The following XIRP2 variants were observed in gnomAD, a reference collection of about 807,000 sequenced individuals.
XIRP2 encodes xin actin binding repeat containing 2, also known as xin actin-binding repeat-containing protein 2.
A neutral mutation model predicts 277.0 loss-of-function variants in XIRP2; 236 were observed. That is an observed-to-expected ratio of 0.85 (90% confidence interval 0.77 to 0.95). The LOEUF (loss-of-function observed/expected upper bound fraction) is 0.95. XIRP2 is among the 40% of genes least tolerant of loss of function. The pLI, the probability that XIRP2 is intolerant of heterozygous loss-of-function variation, is 0.00. For synonymous variants in XIRP2, 1,490 were observed against 1,416.5 expected (o/e 1.05, Z -1.17); for missense variants, 4,640 against 4,157.5 (o/e 1.12, Z -3.19).
intron 3 of XIRP2, among the ~76,000 whole-genome samples, chr2:167,162,005 C>A (rs192450557): frequency 6.0e-4 from 92 of 152,234 alleles, no homozygotes; most frequent in African/African-American, 2.2e-3. Context: ...ATCTCTAGGG[C>A]TGGGCAAAAT....
chr2:167,136,480 T>G (rs1263162832), intron 3 of XIRP2, among the ~76,000 whole-genome samples: 3 of 152,306 alleles, frequency 2.0e-5, no homozygotes, highest in Admixed American at 2.0e-4. Context: ...CTTAAGCATC[T>G]CCTTTTCAGA....
intron 2 of XIRP2, among the ~76,000 whole-genome samples, chr2:167,036,684 G>A (rs1474227868): frequency 2.0e-5 from 3 of 152,038 alleles, no homozygotes; most frequent in Non-Finnish European, 4.4e-5. Flanking sequence ...AGCATGATTG[G>A]TTTTGAAATG....
At chr2:166,926,875 C>T (rs1685201721) in intron 2 of XIRP2, among the ~76,000 whole-genome samples, 1 of 152,070 alleles carries the variant, frequency 6.6e-6, no homozygotes, top group Non-Finnish European at 1.5e-5. Context: ...CCAGCAGGCA[C>T]AGTGCATCAG....
chr2:167,178,064 C>T (rs1187623025), intron 3 of XIRP2, among the ~76,000 whole-genome samples: 2 of 151,152 alleles, frequency 1.3e-5, no homozygotes, highest in Non-Finnish European at 2.9e-5. Flanking sequence ...ATGTGGAGCA[C>T]TGGGTATATA....
At chr2:167,003,841 T>C (rs373713915) in intron 2 of XIRP2, among the ~76,000 whole-genome samples, 4 of 151,934 alleles carry the variant, frequency 2.6e-5, no homozygotes, top group South Asian at 4.1e-4. Flanking sequence ...TAATCATGTA[T>C]TTTGGCTTTT....
intron 2 of XIRP2, among the ~76,000 whole-genome samples, chr2:167,095,032 CA>C (rs1690260229): frequency 6.6e-6 from 1 of 152,156 alleles, no homozygotes; most frequent in African/African-American, 2.4e-5. Flanking sequence ...AGGTCCTTCA[CA>C]TCCCTTGTAA....
intron 7 of XIRP2, among the ~76,000 whole-genome samples, chr2:167,240,956 C>T (rs1432284645): frequency 6.6e-6 from 1 of 152,164 alleles, no homozygotes; most frequent in Admixed American, 6.5e-5. Context: ...GCCATCAGTC[C>T]TATGATATAT....
intron 2 of XIRP2, among the ~76,000 whole-genome samples, chr2:166,968,176 C>T (rs1686478369): frequency 6.6e-6 from 1 of 151,834 alleles, no homozygotes; most frequent in Admixed American, 6.6e-5. Flanking sequence ...ATGAGTTCTT[C>T]AACAACAAAG....
At chr2:167,027,452 T>C (rs944515384) in intron 2 of XIRP2, among the ~76,000 whole-genome samples, 5 of 152,126 alleles carry the variant, frequency 3.3e-5, no homozygotes, top group Non-Finnish European at 7.4e-5. Flanking sequence ...TTGGTTTGAA[T>C]TTCCTCCTGT....
intron 2 of XIRP2, among the ~76,000 whole-genome samples, chr2:167,015,378 C>T (rs1244866266): frequency 2.0e-5 from 3 of 151,656 alleles, no homozygotes; most frequent in African/African-American, 7.3e-5. Flanking sequence ...TTAATATCTA[C>T]TAAGTACCTA....
At chr2:167,091,040 C>T (rs11896086) in intron 2 of XIRP2, among the ~76,000 whole-genome samples, 4,764 of 152,150 alleles carry the variant, frequency 0.031, 97 homozygotes, top group East Asian at 0.05. Flanking sequence ...CCCTAGAGAG[C>T]ATTCTATTGT....
At chr2:166,908,441 C>T (rs761378452) in intron 2 of XIRP2, among the ~76,000 whole-genome samples, 20 of 152,110 alleles carry the variant, frequency 1.3e-4, no homozygotes, top group South Asian at 4.1e-4. Flanking sequence ...TCATATCCTT[C>T]GCCCACTTTT....
intron 2 of XIRP2, among the ~76,000 whole-genome samples, chr2:167,032,361 G>A (rs2105506726): frequency 6.6e-6 from 1 of 152,158 alleles, no homozygotes; most frequent in East Asian, 1.9e-4. Context: ...AGAAAACCTA[G>A]GCAATACCAT....
intron 2 of XIRP2, among the ~76,000 whole-genome samples, chr2:166,983,929 C>T (rs1686935479): frequency 6.6e-6 from 1 of 152,152 alleles, no homozygotes. Context: ...TATCTTGAAA[C>T]TCTCCTTCTT....
intron 2 of XIRP2, among the ~76,000 whole-genome samples, chr2:167,023,753 A>T (rs1022190276): frequency 3.9e-5 from 6 of 152,160 alleles, no homozygotes; most frequent in African/African-American, 1.4e-4. Context: ...TTTGTCAAAG[A>T]TCAGATGGTT....
intron 2 of XIRP2, among the ~76,000 whole-genome samples, chr2:167,044,974 A>T (rs1030137260): frequency 1.3e-5 from 2 of 152,090 alleles, no homozygotes; most frequent in African/African-American, 4.8e-5. Flanking sequence ...AGCCAGAGGC[A>T]TCACAATTCC....
In XIRP2 at chr2:167,009,896, A is replaced by T. The variant is rs181194367; in HGVS notation, c.408+106006A>T. Among the ~76,000 whole-genome samples, 990 of 151,926 alleles carry T rather than the reference A, an allele frequency of 6.5e-3. 15 individuals are homozygous for T. The highest frequency in any genetic ancestry group is 0.023 in the African/African-American group (941 of 41,400). On this transcript the variant is annotated intron_variant, in intron 2 of 10. Coordinates refer to ENST00000409195, the MANE Select transcript of XIRP2 (RefSeq NM_152381.6). ...AAGTGTCTGTTCATTTCCTTCACCC[A>T]CTTTTTGATGGGGTTCTTTGTTTTT...
In XIRP2 at chr2:167,258,625, T is replaced by A; in HGVS notation, c.*808T>A. 1 of 1,612,806 alleles carries A rather than the reference T, an allele frequency of 6.2e-7. No individual in the cohort carries two copies. The highest frequency in any genetic ancestry group is 8.5e-7 in the Non-Finnish European group (1 of 1,179,478). The stretch of plus-strand genomic sequence containing the variant: ...TTTTACAGGTTACTAACACTGATGA[T>A]GAGATGATGCCAGAAAATCATAAAG... On this transcript the variant is annotated 3_prime_UTR_variant, in exon 11 of 11. Transcript: ENST00000409195.
chr2:167,101,783 A>G (rs987059385), intron 2 of XIRP2, among the ~76,000 whole-genome samples: 2 of 152,188 alleles, frequency 1.3e-5, no homozygotes, highest in Admixed American at 6.5e-5. Context: ...ATTGTTTTGC[A>G]ACATTTGAAA....
Sources: gnomAD v4.1 joint callset for allele counts (sites outside exome capture counted in the v4.1 genomes callset) on GRCh38, gnomAD v4.1.1 for gene constraint, MANE v1.5 for transcripts, NCBI Gene and HGNC (gene_info 2026-07-23, HGNC 2026-07-21) for gene names.